PRKCB: variants seen among roughly 807,000 people sequenced by gnomAD.
PRKCB encodes the protein protein kinase C beta, also known as protein kinase C beta type.
In PRKCB, 13 loss-of-function variants were observed where a neutral mutation model predicts 81.5. The observed-to-expected ratio is 0.16, with a 90% CI of 0.10 to 0.25. The LOEUF (loss-of-function observed/expected upper bound fraction) is 0.25, where lower values mean the gene tolerates loss of function less well. Among genes scored for constraint, PRKCB ranks in the 10% least tolerant of loss-of-function variants. PRKCB has a pLI of 1.00. For synonymous variants in PRKCB, 335 were observed against 321.4 expected (o/e 1.04, Z -0.45); for missense variants, 509 against 875.7 (o/e 0.58, Z 5.29).
intron 5 of PRKCB, among the ~76,000 whole-genome samples, chr16:24,049,225 G>A (rs1243051898): frequency 1.3e-5 from 2 of 151,938 alleles, no homozygotes; most frequent in Non-Finnish European, 2.9e-5. Flanking sequence ...TGGCAACCCT[G>A]TCCCACCCTG....
At chr16:24,095,918 C>T (rs563553788) in intron 7 of PRKCB, among the ~76,000 whole-genome samples, 1 of 152,294 alleles carries the variant, frequency 6.6e-6, no homozygotes, top group Admixed American at 6.5e-5. Flanking sequence ...TAGCAGAATT[C>T]AGGCTCCTCT....
intron 10 of PRKCB, among the ~76,000 whole-genome samples, chr16:24,169,531 G>A (rs1171664798): frequency 6.6e-6 from 1 of 152,014 alleles, no homozygotes; most frequent in African/African-American, 2.4e-5. Context: ...TAGCCTCAGG[G>A]CCTTCGCACA....
intron 2 of PRKCB, among the ~76,000 whole-genome samples, chr16:23,930,303 T>G (rs1418499088): frequency 6.6e-6 from 1 of 152,070 alleles, no homozygotes; most frequent in Non-Finnish European, 1.5e-5. Flanking sequence ...GCATGGTGGC[T>G]CACCCCTATA....
At chr16:23,921,024 A>T (rs1963817421) in intron 2 of PRKCB, among the ~76,000 whole-genome samples, 1 of 152,072 alleles carries the variant, frequency 6.6e-6, no homozygotes, top group Non-Finnish European at 1.5e-5. Flanking sequence ...GTGCAGGGGA[A>T]CTCCCATTTA....
chr16:24,067,684 T>G (rs1041967435), intron 5 of PRKCB, among the ~76,000 whole-genome samples: 24 of 152,104 alleles, frequency 1.6e-4, no homozygotes, highest in African/African-American at 5.6e-4. Flanking sequence ...AGAAAGCTGT[T>G]GGACAGGTGT....
At chr16:23,917,621 G>C (rs534030518) in intron 2 of PRKCB, among the ~76,000 whole-genome samples, 1 of 152,388 alleles carries the variant, frequency 6.6e-6, no homozygotes, top group South Asian at 2.1e-4. Context: ...AGCAGAGCTG[G>C]TGAGCCCCAT....
chr16:24,173,617 C>T (rs1377542943), intron 11 of PRKCB, among the ~76,000 whole-genome samples: 1 of 152,228 alleles, frequency 6.6e-6, no homozygotes, highest in Non-Finnish European at 1.5e-5. Context: ...GCTTTAATTC[C>T]ATTGTCACAC....
chr16:24,043,183 C>G (rs959611364), intron 5 of PRKCB, among the ~76,000 whole-genome samples: 4 of 152,196 alleles, frequency 2.6e-5, no homozygotes, highest in Non-Finnish European at 5.9e-5. Flanking sequence ...TTTATGTCCC[C>G]ACACACTGCA....
chr16:23,921,815 T>C (rs139029789), intron 2 of PRKCB, among the ~76,000 whole-genome samples: 3,108 of 152,168 alleles, frequency 0.02, 61 homozygotes, highest in Non-Finnish European at 0.033. Flanking sequence ...AAAAAAGATA[T>C]GCTATACCCT....
At chr16:24,213,965 T>A (rs898574568) in intron 16 of PRKCB, among the ~76,000 whole-genome samples, 4 of 152,222 alleles carry the variant, frequency 2.6e-5, no homozygotes, top group African/African-American at 4.8e-5. Flanking sequence ...ACATCCCTCC[T>A]TCCTAATTGA....
chr16:24,214,855 A>G lies in PRKCB; in HGVS notation c.*39A>G. On this transcript the variant is annotated 3_prime_UTR_variant, in exon 17 of 17. Coordinates refer to ENST00000643927, the MANE Select transcript of PRKCB (RefSeq NM_002738.7). ...TCTCCGTCCTTCATTTCTGTCATTCAAGCTCAACGGCTATTGTGGTGACAT... is the reference window on the plus strand; with the variant it reads ...TCTCCGTCCTTCATTTCTGTCATTCGAGCTCAACGGCTATTGTGGTGACAT... 1 of 1,606,258 alleles carries G rather than the reference A, an allele frequency of 6.2e-7. No homozygotes were observed. Among genetic ancestry groups the G allele is most frequent in the Non-Finnish European group, 8.5e-7 (1 of 1,175,372 alleles).
Position 24,217,201 on chromosome 16 carries a change from C to A in PRKCB, c.*2385C>A. The A allele has an allele frequency of 1.0e-6, 1 of 984,660 alleles. No individual in the cohort carries two copies. Among genetic ancestry groups the A allele is most frequent in the Non-Finnish European group, 1.2e-6 (1 of 829,664 alleles). 61.0% of individuals were successfully genotyped at this position (984,660 alleles called of 1,614,324 possible). A position where few individuals can be genotyped will look rare whatever the true frequency, so the allele number is the denominator to read the frequency against. ...AGGAAGGAATATAGTGTTATAAATA[C>A]TGCACTCAACATTTTCCAAATTCTT... On this transcript the variant is annotated 3_prime_UTR_variant, in exon 17 of 17. Coordinates refer to ENST00000643927, the MANE Select transcript of PRKCB (RefSeq NM_002738.7).
intron 3 of PRKCB, among the ~76,000 whole-genome samples, chr16:24,001,777 A>G (rs932325629): frequency 6.6e-6 from 1 of 152,158 alleles, no homozygotes; most frequent in Non-Finnish European, 1.5e-5. Context: ...AAGAAGAAAT[A>G]AACCTTTACA....
intron 5 of PRKCB, among the ~76,000 whole-genome samples, chr16:24,086,621 T>C (rs917489542): frequency 7.2e-5 from 11 of 152,196 alleles, no homozygotes; most frequent in African/African-American, 2.7e-4. Flanking sequence ...TCTTGGAAAC[T>C]GTAAAAGCAC....
At chr16:23,846,664 TG>T (rs1250161312) in intron 2 of PRKCB, among the ~76,000 whole-genome samples, 1 of 151,896 alleles carries the variant, frequency 6.6e-6, no homozygotes, top group Non-Finnish European at 1.5e-5. Context: ...AACTTTTTTT[TG>T]AGTCAGCGAG....
intron 2 of PRKCB, among the ~76,000 whole-genome samples, chr16:23,919,061 G>T (rs2141743064): frequency 6.6e-6 from 1 of 152,240 alleles, no homozygotes; most frequent in South Asian, 2.1e-4. Flanking sequence ...AACCTTCTAA[G>T]GTGACTATTT....
chr16:24,036,249 A>G (rs1965617393), intron 5 of PRKCB, among the ~76,000 whole-genome samples: 1 of 152,066 alleles, frequency 6.6e-6, no homozygotes. Flanking sequence ...GCTGTCACTC[A>G]TGTATCCCAG....
At chr16:24,120,647 C>T (rs1312247652) in intron 8 of PRKCB, among the ~76,000 whole-genome samples, 2 of 152,206 alleles carry the variant, frequency 1.3e-5, no homozygotes, top group Non-Finnish European at 2.9e-5. Context: ...CTCCCTTCTC[C>T]CTTGCCCAAT....
chr16:24,203,013 A>G (rs1260865958), intron 16 of PRKCB: 1 of 152,086 alleles, frequency 6.6e-6, no homozygotes, highest in Non-Finnish European at 1.5e-5. Context: ...GCTTGAGCCC[A>G]GGAGTTTGAG....
Sources: allele counts gnomAD v4.1 joint callset (sites outside exome capture counted in the v4.1 genomes callset), GRCh38; gene constraint gnomAD v4.1.1; transcripts MANE v1.5; gene names NCBI Gene and HGNC (gene_info 2026-07-23, HGNC 2026-07-21).